The following VAT1L variants were observed in gnomAD, a reference collection of about 807,000 sequenced individuals.
VAT1L encodes the protein putative NADPH-dependent quinone oxidoreductase VAT1L.
A neutral mutation model predicts 44.1 loss-of-function variants in VAT1L; 34 were observed. The ratio of observed to expected loss-of-function variants is 0.77; its 90% CI spans 0.59 to 1.03. The LOEUF is 1.03. VAT1L is among the 50% of genes least tolerant of loss of function. The pLI, the probability that VAT1L is intolerant of heterozygous loss-of-function variation, is 0.00. For missense variants in VAT1L, 615 were observed against 538.8 expected (o/e 1.14, Z -1.40); for synonymous variants, 253 against 202.2 (o/e 1.25, Z -2.13).
chr16:77,891,455 G>C (rs1315789564), intron 7 of VAT1L, among the ~76,000 whole-genome samples: 1 of 152,242 alleles, frequency 6.6e-6, no homozygotes, highest in East Asian at 1.9e-4. Context: ...GTTGCAGAAA[G>C]TTCTGTTGAA....
chr16:77,857,669 A>G (rs1376844790), intron 3 of VAT1L, among the ~76,000 whole-genome samples: 1 of 150,286 alleles, frequency 6.7e-6, no homozygotes, highest in African/African-American at 2.4e-5. Context: ...TAGATAGTAT[A>G]TATTATGTAT....
intron 7 of VAT1L, among the ~76,000 whole-genome samples, chr16:77,909,579 G>A (rs1198631145): frequency 6.8e-6 from 1 of 146,488 alleles, no homozygotes; most frequent in African/African-American, 2.5e-5. Context: ...AGAGGTTGCA[G>A]TGAGCTGAGA....
intron 1 of VAT1L, 56 bp downstream of exon 1, chr16:77,788,971 A>G: frequency 1.8e-6 from 2 of 1,123,772 alleles, no homozygotes; most frequent in Non-Finnish European, 2.4e-6. Context: ...GGCGCTGGGG[A>G]GGGGGTGGGA....
intron 7 of VAT1L, among the ~76,000 whole-genome samples, chr16:77,962,752 G>GAAGGAAGGA (rs2018176552): frequency 6.6e-6 from 1 of 151,020 alleles, no homozygotes; most frequent in Non-Finnish European, 1.5e-5. Flanking sequence ...AGGAAGGAAG[G>GAAGGAAGGA]AAGGAAGGAA....
chr16:77,956,025 G>A (rs1257047368), intron 7 of VAT1L, among the ~76,000 whole-genome samples: 3 of 152,060 alleles, frequency 2.0e-5, no homozygotes, highest in Non-Finnish European at 4.4e-5. Flanking sequence ...ACAGTGGGGT[G>A]ACTATAGTCA....
In VAT1L at chr16:77,913,756, C is replaced by T. The variant is rs148959461; in HGVS notation, c.1077+28954C>T. On this transcript the variant is annotated intron_variant, in intron 7 of 8. Coordinates refer to ENST00000302536, the MANE Select transcript of VAT1L (RefSeq NM_020927.3). ...GTATTGTAACAAAGGCCAGGAGCTGCCTAAGACAATATTGGACATCAGATA... is the reference window on the plus strand; with the variant it reads ...GTATTGTAACAAAGGCCAGGAGCTGTCTAAGACAATATTGGACATCAGATA... Among the ~76,000 whole-genome samples the T allele has an allele frequency of 8.1e-4, 123 of 152,212 alleles. 2 individuals carry two copies. The East Asian group carries it at 0.023, about 28-fold the overall frequency.
rs144692577 is a variant in VAT1L at position 77,945,722 on chromosome 16, T to C, written c.1078-26128T>C. Among the ~76,000 whole-genome samples the C allele has an allele frequency of 2.4e-3, 366 of 152,260 alleles. 3 individuals carry two copies. Among genetic ancestry groups the C allele is most frequent in the Middle Eastern group, 0.01 (3 of 292 alleles). ...ACCAACAGTAACCCTTTTGTATGAG[T>C]TGTCTTTTCTTTCAGTATTTCCTTT... On this transcript the variant is annotated intron_variant, in intron 7 of 8. Coordinates refer to ENST00000302536, the MANE Select transcript of VAT1L (RefSeq NM_020927.3).
rs1397894765 is a variant in VAT1L at position 77,884,812 on chromosome 16, G to C, written c.1077+10G>C. On this transcript the variant is annotated intron_variant, in intron 7 of 8. Coordinates refer to ENST00000302536, the MANE Select transcript of VAT1L (RefSeq NM_020927.3). The surrounding 1 kb of genome is among the most constrained non-coding windows in gnomAD (Gnocchi z 4.5). Reference sequence around the variant, plus strand: ...GTGGGCTCTGGAGGAGGTAAGAATGGTGCTTTTCTTCTGCAAATAAACTCC... The same window carrying C: ...GTGGGCTCTGGAGGAGGTAAGAATGCTGCTTTTCTTCTGCAAATAAACTCC... 1 of 1,461,666 alleles carries C rather than the reference G, an allele frequency of 6.8e-7. No homozygotes were observed. The highest frequency in any genetic ancestry group is 2.8e-5 in the Admixed American group (1 of 35,792). The allele number at this position is 1,461,666 out of a possible 1,614,324, so 90.5% of individuals were successfully genotyped here. A position where few individuals can be genotyped will look rare whatever the true frequency, so the allele number is the denominator to read the frequency against.
intron 7 of VAT1L, among the ~76,000 whole-genome samples, chr16:77,887,476 C>G (rs2017220548): frequency 6.6e-6 from 1 of 152,116 alleles, no homozygotes; most frequent in South Asian, 2.1e-4. Flanking sequence ...AACTACAGAC[C>G]AGGAAGCCTC....
intron 7 of VAT1L, among the ~76,000 whole-genome samples, chr16:77,951,915 G>A (rs1022853925): frequency 6.6e-6 from 1 of 151,898 alleles, no homozygotes; most frequent in Admixed American, 6.6e-5. Flanking sequence ...CAGAGAGATT[G>A]AACTCAATTC....
At chr16:77,910,153 C>T (rs1238092343) in intron 7 of VAT1L, among the ~76,000 whole-genome samples, 1 of 152,194 alleles carries the variant, frequency 6.6e-6, no homozygotes, top group African/African-American at 2.4e-5. Context: ...ACTTGATTCC[C>T]TAAGACTCTG....
chr16:77,797,636 T>G (rs1042107760), intron 1 of VAT1L, among the ~76,000 whole-genome samples: 3 of 152,234 alleles, frequency 2.0e-5, no homozygotes, highest in African/African-American at 2.4e-5. Context: ...AGCACTCTCA[T>G]TCAAAGGAGT....
intron 7 of VAT1L, among the ~76,000 whole-genome samples, chr16:77,909,498 G>A (rs762575777): frequency 1.3e-4 from 20 of 151,994 alleles, no homozygotes; most frequent in African/African-American, 1.9e-4. Context: ...GTAGCCAGGC[G>A]TGGTGGTGTG....
At chr16:77,928,686 CT>C (rs2017695696) in intron 7 of VAT1L, among the ~76,000 whole-genome samples, 1 of 152,136 alleles carries the variant, frequency 6.6e-6, no homozygotes, top group Non-Finnish European at 1.5e-5. Context: ...TTTCATATTA[CT>C]CACCAAAATC....
At chr16:77,922,074 T>C (rs1047297282) in intron 7 of VAT1L, among the ~76,000 whole-genome samples, 2 of 152,170 alleles carry the variant, frequency 1.3e-5, no homozygotes, top group East Asian at 3.9e-4. Flanking sequence ...AAACCTTTTT[T>C]TCAGGTTAGC....
chr16:77,792,238 C>A (rs1352757588), intron 1 of VAT1L, among the ~76,000 whole-genome samples: 2 of 152,158 alleles, frequency 1.3e-5, no homozygotes, highest in African/African-American at 2.4e-5. Flanking sequence ...TGGTGACCTA[C>A]AACTTGGAGG....
chr16:77,827,181 C>G (rs2016532183), intron 3 of VAT1L, among the ~76,000 whole-genome samples: 1 of 152,198 alleles, frequency 6.6e-6, no homozygotes, highest in African/African-American at 2.4e-5. Flanking sequence ...AAATGGCTTT[C>G]AGTTCCAGTG....
Position 77,977,724 on chromosome 16 carries a change from G to A in VAT1L, c.*29G>A, listed in dbSNP as rs2018356703. ...AGGACCCAGGTGGGAGAATGTGAAG[G>A]ATGGTTTGGAAGATGAGGACCCGGC... On this transcript the variant is annotated 3_prime_UTR_variant, in exon 9 of 9. Coordinates refer to ENST00000302536, the MANE Select transcript of VAT1L (RefSeq NM_020927.3). 2 of 1,606,400 alleles carry A rather than the reference G, an allele frequency of 1.2e-6. No individual in the cohort carries two copies. The highest frequency in any genetic ancestry group is 4.5e-5 in the East Asian group (2 of 44,754).
Position 77,884,986 on chromosome 16 carries a change from T to C in VAT1L, c.1077+184T>C, listed in dbSNP as rs189610181. Reference sequence around the variant, plus strand: ...GATATAAGAAATACTTTAAGCTCTTTGGTGATTTGCAAACCACGTGCCTCA... The same window carrying C: ...GATATAAGAAATACTTTAAGCTCTTCGGTGATTTGCAAACCACGTGCCTCA... On this transcript the variant is annotated intron_variant, in intron 7 of 8. Coordinates refer to ENST00000302536, the MANE Select transcript of VAT1L (RefSeq NM_020927.3). This position sits in a 1 kb window ranked among gnomAD's most constrained non-coding sequence, Gnocchi z 4.5. 1.5e-3 allele frequency among the ~76,000 whole-genome samples: 222 copies of C among 152,352 alleles called. No homozygotes were observed. Among genetic ancestry groups the C allele is most frequent in the African/African-American group, 2.2e-3 (92 of 41,580 alleles).
Sources: allele counts gnomAD v4.1 joint callset (sites outside exome capture counted in the v4.1 genomes callset), GRCh38; gene constraint gnomAD v4.1.1; non-coding constraint Gnocchi (gnomAD v3.1); transcripts MANE v1.5; gene names NCBI Gene and HGNC (gene_info 2026-07-23, HGNC 2026-07-21).